The following CATSPERE variants were observed in gnomAD, a reference collection of about 807,000 sequenced individuals.
CATSPERE encodes the protein cation channel sperm-associated auxiliary subunit epsilon.
A neutral mutation model predicts 114.1 loss-of-function variants in CATSPERE; 93 were observed. That is an observed-to-expected ratio of 0.81 (90% confidence interval 0.69 to 0.97). The LOEUF (loss-of-function observed/expected upper bound fraction) is 0.97. Among genes scored for constraint, CATSPERE ranks in the 50% least tolerant of loss-of-function variants. CATSPERE has a pLI of 0.00. For synonymous variants in CATSPERE, 341 were observed against 384.1 expected (o/e 0.89, Z 1.31); for missense variants, 1,058 against 1,131.6 (o/e 0.93, Z 0.93).
At chr1:244,479,214 C>T (rs916857753) in intron 4 of CATSPERE, among the ~76,000 whole-genome samples, 2 of 151,812 alleles carry the variant, frequency 1.3e-5, no homozygotes, top group Admixed American at 6.5e-5. Context: ...CTGCCTCAGC[C>T]TCCGAAGTAG....
rs1215853113 is a variant in CATSPERE, at chr1:244,554,433, G to A, written c.1029+1619G>A. Among the ~76,000 whole-genome samples, 6 of 152,286 alleles carry A rather than the reference G, an allele frequency of 3.9e-5. No individual in the cohort carries two copies. In the South Asian group the frequency reaches 1.2e-3, roughly 32 times the overall value. Reference sequence around the variant, plus strand: ...TAGTTGCAGCACTTCGGGAGGCCAAGGTGGGATGATTACTTGAGCCTAGGC... The same window carrying A: ...TAGTTGCAGCACTTCGGGAGGCCAAAGTGGGATGATTACTTGAGCCTAGGC... On this transcript the variant is annotated intron_variant, in intron 9 of 21. Transcript: ENST00000366534.
chr1:244,464,219 C>A (rs1667244050), intron 2 of CATSPERE, among the ~76,000 whole-genome samples: 1 of 152,266 alleles, frequency 6.6e-6, no homozygotes, highest in African/African-American at 2.4e-5. Flanking sequence ...GATAACCATT[C>A]AGTATATTGC....
intron 10 of CATSPERE, among the ~76,000 whole-genome samples, chr1:244,564,027 G>A (rs998318330): frequency 5.9e-5 from 9 of 152,100 alleles, no homozygotes; most frequent in Non-Finnish European, 1.3e-4. Flanking sequence ...CCCATTGCTT[G>A]TTTTTGTCAG....
intron 7 of CATSPERE, among the ~76,000 whole-genome samples, chr1:244,514,205 G>A (rs376561257): frequency 1.3e-5 from 2 of 152,124 alleles, no homozygotes; most frequent in Non-Finnish European, 2.9e-5. Context: ...TCTTCTAAGA[G>A]TTTTATCGTT....
chr1:244,539,088 G>A (rs1374828488), intron 8 of CATSPERE, among the ~76,000 whole-genome samples: 1 of 152,178 alleles, frequency 6.6e-6, no homozygotes, highest in East Asian at 1.9e-4. Context: ...TTTTCCTCTG[G>A]AGGGAGCATC....
chr1:244,534,953 T>A (rs1187938905), intron 8 of CATSPERE, among the ~76,000 whole-genome samples: 2 of 152,090 alleles, frequency 1.3e-5, no homozygotes, highest in Non-Finnish European at 2.9e-5. Flanking sequence ...GGTGTTGTGA[T>A]CTAAGTTTTT....
chr1:244,469,918 C>T (rs950087277), intron 2 of CATSPERE, among the ~76,000 whole-genome samples: 61 of 152,096 alleles, frequency 4.0e-4, no homozygotes, highest in African/African-American at 1.4e-3. Flanking sequence ...CTCATATTTA[C>T]AGTCAGTTGA....
intron 7 of CATSPERE, among the ~76,000 whole-genome samples, chr1:244,509,514 C>T (rs371550310): frequency 6.6e-6 from 1 of 152,098 alleles, no homozygotes; most frequent in Non-Finnish European, 1.5e-5. Context: ...TCTCTGTCAT[C>T]AGGGATATTG....
chr1:244,563,382 C>T (rs990517539), intron 10 of CATSPERE, among the ~76,000 whole-genome samples: 3 of 152,344 alleles, frequency 2.0e-5, no homozygotes, highest in South Asian at 4.1e-4. Context: ...CTGCTACCAA[C>T]AGTGTAAAAG....
intron 8 of CATSPERE, among the ~76,000 whole-genome samples, chr1:244,550,459 A>T (rs3003223): frequency 0.87 from 132,352 of 152,186 alleles, 58,537 homozygotes; most frequent in East Asian, 1. Context: ...GAAAAAGAGC[A>T]GTTTGCCCTG....
chr1:244,610,709 A>T (rs1413729775), intron 19 of CATSPERE: 1 of 214,354 alleles, frequency 4.7e-6, no homozygotes, highest in Non-Finnish European at 9.5e-6. Context: ...GGAAAAACTT[A>T]ACCATCACTT....
At chr1:244,595,559 G>A (rs1668278501) in intron 17 of CATSPERE, among the ~76,000 whole-genome samples, 2 of 152,208 alleles carry the variant, frequency 1.3e-5, no homozygotes, top group South Asian at 4.1e-4. Context: ...CTCAGGAGAA[G>A]AGGCCAGGAA....
chr1:244,595,630 A>C (rs1317279158), intron 17 of CATSPERE, among the ~76,000 whole-genome samples: 2 of 152,170 alleles, frequency 1.3e-5, no homozygotes, highest in Non-Finnish European at 2.9e-5. Flanking sequence ...GTGGAGTGGC[A>C]TGATCAAATA....
At chr1:244,543,230 T>C (rs964349781) in intron 8 of CATSPERE, among the ~76,000 whole-genome samples, 4 of 152,126 alleles carry the variant, frequency 2.6e-5, no homozygotes, top group African/African-American at 7.2e-5. Context: ...AAACAACCTA[T>C]GTGTCCATCA....
upstream of CATSPERE, chr1:244,452,074 CAA>C: frequency 3.1e-6 from 1 of 322,826 alleles, no homozygotes; most frequent in South Asian, 1.4e-4. Flanking sequence ...CTGGTGGCGG[CAA>C]CGGCCGCCAC....
At chr1:244,510,657 T>G (rs1226074978) in intron 7 of CATSPERE, among the ~76,000 whole-genome samples, 1 of 152,136 alleles carries the variant, frequency 6.6e-6, no homozygotes, top group Non-Finnish European at 1.5e-5. Context: ...ATCCAGTGTT[T>G]CTTTGTTGAT....
At chr1:244,601,797 A>T (rs1000872633) in intron 17 of CATSPERE, among the ~76,000 whole-genome samples, 1 of 152,164 alleles carries the variant, frequency 6.6e-6, no homozygotes, top group Non-Finnish European at 1.5e-5. Context: ...TACTAAAAAC[A>T]TAGAAATTAG....
upstream of CATSPERE, chr1:244,451,562 G>C: frequency 9.4e-6 from 14 of 1,485,866 alleles, no homozygotes; most frequent in African/African-American, 1.4e-5. This position sits in a 1 kb window ranked among gnomAD's most constrained non-coding sequence, Gnocchi z 6.6. Context: ...CTGGGTCCGA[G>C]TTCCCGGGCA....
chr1:244,546,142 A>T (rs1659716845), intron 8 of CATSPERE, among the ~76,000 whole-genome samples: 1 of 152,202 alleles, frequency 6.6e-6, no homozygotes, highest in African/African-American at 2.4e-5. Context: ...AGCAGCAGGC[A>T]GATCTTAGAG....
Sources: allele counts gnomAD v4.1 joint callset (sites outside exome capture counted in the v4.1 genomes callset), GRCh38; gene constraint gnomAD v4.1.1; non-coding constraint Gnocchi (gnomAD v3.1); transcripts MANE v1.5; gene names NCBI Gene and HGNC (gene_info 2026-07-23, HGNC 2026-07-21).